SHROOM4: variants seen among roughly 807,000 people sequenced by gnomAD.
SHROOM4 encodes the protein protein Shroom4.
SHROOM4 carries 17 observed loss-of-function variants against 80.3 expected under a neutral mutation model. The observed-to-expected ratio is 0.21, with a 90% CI of 0.14 to 0.32. The LOEUF (loss-of-function observed/expected upper bound fraction) is 0.32. Among genes scored for constraint, SHROOM4 ranks in the 10% least tolerant of loss-of-function variants. The probability of loss-of-function intolerance (pLI) is 1.00; values close to 1 mark genes in which losing one functional copy is unlikely to be tolerated. For synonymous variants in SHROOM4, 400 were observed against 437.5 expected, an observed-to-expected ratio of 0.91 and a Z score of 1.07; for missense variants, 993 against 1,140.3, an observed-to-expected ratio of 0.87 and a Z score of 1.86.
At chrX:50,768,394 C>A (rs1327959774) in intron 1 of SHROOM4, among the ~76,000 whole-genome samples, 3 of 111,796 alleles carry the variant, frequency 2.7e-5, no homozygotes, top group African/African-American at 9.8e-5. Flanking sequence ...ACAAAACACT[C>A]AGAAGAAATT....
At chrX:50,795,062 G>T (rs187024484) in intron 1 of SHROOM4, among the ~76,000 whole-genome samples, 357 of 34,030 alleles carry the variant, frequency 0.01, 46 homozygotes, top group African/African-American at 0.044. Flanking sequence ...ATATATATAT[G>T]ATATATATAT....
At chrX:50,713,055 A>G (rs1464596839) in intron 1 of SHROOM4, among the ~76,000 whole-genome samples, 1 of 110,623 alleles carries the variant, frequency 9.0e-6, no homozygotes, top group Non-Finnish European at 1.9e-5. Flanking sequence ...GCAACTCGAG[A>G]GCAGGCAGGC....
At chrX:50,631,498 T>C (rs782652939) in intron 4 of SHROOM4, among the ~76,000 whole-genome samples, 9 of 112,123 alleles carry the variant, frequency 8.0e-5, no homozygotes, top group Non-Finnish European at 1.7e-4. Context: ...CCTCCAAACA[T>C]TGTATTGAAG....
At chrX:50,743,269 G>A (rs1385021493) in intron 1 of SHROOM4, among the ~76,000 whole-genome samples, 1 of 110,119 alleles carries the variant, frequency 9.1e-6, no homozygotes, top group African/African-American at 3.3e-5. Context: ...TAGAATCCAA[G>A]TTCTGGGCAC....
intron 4 of SHROOM4, among the ~76,000 whole-genome samples, chrX:50,632,447 G>A (rs1557254289): frequency 8.9e-6 from 1 of 111,925 alleles, no homozygotes; most frequent in Admixed American, 9.5e-5. Context: ...AGTAGGCAAG[G>A]ACCTAGGGAG....
intron 2 of SHROOM4, among the ~76,000 whole-genome samples, chrX:50,671,404 T>C (rs898376271): frequency 1.8e-5 from 2 of 112,260 alleles, no homozygotes; most frequent in Admixed American, 9.4e-5. Flanking sequence ...CTTCTTCCAA[T>C]ATAAGGCTGT....
chrX:50,680,280 C>G (rs1285345483), intron 2 of SHROOM4, among the ~76,000 whole-genome samples: 1 of 111,955 alleles, frequency 8.9e-6, no homozygotes, highest in Non-Finnish European at 1.9e-5. Context: ...TTTATTTTAT[C>G]AAGATTTAAT....
At chrX:50,687,762 A>T (rs1189927849) in intron 2 of SHROOM4, among the ~76,000 whole-genome samples, 2 of 111,375 alleles carry the variant, frequency 1.8e-5, no homozygotes, top group Non-Finnish European at 3.8e-5. Flanking sequence ...CCCAAAATTG[A>T]TCAGTTATTT....
intron 1 of SHROOM4, among the ~76,000 whole-genome samples, chrX:50,700,739 A>G (rs1239575424): frequency 2.7e-5 from 3 of 112,134 alleles, no homozygotes; most frequent in Non-Finnish European, 5.6e-5. Flanking sequence ...TAGATTAGAA[A>G]ACCAAGAAAC....
At chrX:50,745,460 A>C (rs1602482456) in intron 1 of SHROOM4, among the ~76,000 whole-genome samples, 1 of 110,450 alleles carries the variant, frequency 9.1e-6, no homozygotes. Context: ...CAAAAAAAAA[A>C]CTGGGCCCTC....
chrX:50,612,305 A>C (rs782253495), intron 5 of SHROOM4, among the ~76,000 whole-genome samples: 1 of 111,732 alleles, frequency 8.9e-6, no homozygotes, highest in Admixed American at 9.5e-5. Context: ...TGAAAACTTA[A>C]AGTATTTTTC....
intron 1 of SHROOM4, among the ~76,000 whole-genome samples, chrX:50,710,331 G>A (rs1295132272): frequency 8.9e-6 from 1 of 111,951 alleles, no homozygotes; most frequent in African/African-American, 3.3e-5. Context: ...ATACTACGCA[G>A]CCACAAAAAG....
intron 1 of SHROOM4, among the ~76,000 whole-genome samples, chrX:50,744,833 T>C (rs1033222721): frequency 8.9e-6 from 1 of 112,091 alleles, no homozygotes; most frequent in Non-Finnish European, 1.9e-5. Flanking sequence ...GTCTATTTCA[T>C]CTGTAGTGTA....
At position 50,802,764 on chromosome X, in the gene SHROOM4, C is replaced by A. The variant is rs1162638085; in HGVS notation, c.117+11138G>T. On this transcript the variant is annotated intron_variant, in intron 1 of 8. Coordinates refer to ENST00000376020, the MANE Select transcript of SHROOM4 (RefSeq NM_020717.5). ...GCCTTATTCTTAATACACTGATTAT[C>A]CAAACCACAAAATGGCTACCTACTT... Among the ~76,000 whole-genome samples, 7 of 111,516 alleles carry A rather than the reference C, an allele frequency of 6.3e-5. No individual in the cohort carries two copies. In the East Asian group the frequency reaches 1.7e-3, roughly 27 times the overall value.
intron 1 of SHROOM4, among the ~76,000 whole-genome samples, chrX:50,783,528 A>C (rs1935673097): frequency 9.0e-6 from 1 of 111,443 alleles, no homozygotes; most frequent in African/African-American, 3.3e-5. Context: ...GCACAAACCC[A>C]ATCATAATGC....
In SHROOM4 at chrX:50,592,125, C is replaced by T. The variant is rs180903289; in HGVS notation, c.*4570G>A. On this transcript the variant is annotated 3_prime_UTR_variant, in exon 9 of 9. Transcript: ENST00000376020. ...TCCAGGCAGGTAGTTGTGAGCAACACGAGAAGAGCAAGAATATGCCTGGGA... is the reference window on the plus strand; with the variant it reads ...TCCAGGCAGGTAGTTGTGAGCAACATGAGAAGAGCAAGAATATGCCTGGGA... 23 of 327,761 alleles carry T rather than the reference C, an allele frequency of 7.0e-5. No homozygotes were observed. The highest frequency in any genetic ancestry group is 1.9e-3 in the Middle Eastern group (2 of 1,040). The allele number at this position is 327,761 out of a possible 1,213,427, so 27.0% of individuals were successfully genotyped here. A position where few individuals can be genotyped will look rare whatever the true frequency, so the allele number is the denominator to read the frequency against.
chrX:50,695,692 T>C, intron 2 of SHROOM4, 94 bp downstream of exon 2: 3 of 1,001,519 alleles, frequency 3.0e-6, no homozygotes, highest in Non-Finnish European at 2.8e-6. Flanking sequence ...CTCTTTCCTT[T>C]ATAATATTGA....
chrX:50,771,438 G>T (rs975408904), intron 1 of SHROOM4, among the ~76,000 whole-genome samples: 4 of 112,367 alleles, frequency 3.6e-5, no homozygotes, highest in Non-Finnish European at 7.5e-5. Flanking sequence ...TTGGGAGAGG[G>T]AGTGGAAATG....
chrX:50,579,528 T>G, the SHROOM4 span, among the ~76,000 whole-genome samples: 1 of 112,059 alleles, frequency 8.9e-6, no homozygotes, highest in Admixed American at 9.5e-5. Flanking sequence ...ATTAACAATT[T>G]TAATCGGAGA....
Sources: allele counts gnomAD v4.1 joint callset (sites outside exome capture counted in the v4.1 genomes callset), GRCh38; gene constraint gnomAD v4.1.1; transcripts MANE v1.5; gene names NCBI Gene and HGNC (gene_info 2026-07-23, HGNC 2026-07-21).